The following MAD1L1 variants were observed in gnomAD, a reference collection of about 807,000 sequenced individuals.
MAD1L1 encodes the protein mitotic spindle assembly checkpoint protein MAD1.
In MAD1L1, 95 loss-of-function variants were observed where a neutral mutation model predicts 96.9. The observed-to-expected ratio is 0.98, with a 90% CI of 0.83 to 1.16. The LOEUF (loss-of-function observed/expected upper bound fraction) is 1.16. MAD1L1 is among the 50% of genes most tolerant of loss of function. The probability of loss-of-function intolerance (pLI) is 0.00; values close to 1 mark genes in which losing one functional copy is unlikely to be tolerated. For synonymous variants in MAD1L1, 473 were observed against 396.6 expected (o/e 1.19, Z -2.29); for missense variants, 1,007 against 954.4 (o/e 1.06, Z -0.73).
chr7:1,980,427 G>C, intron 15 of MAD1L1, 26 bp downstream of exon 15: 1 of 1,526,028 alleles, frequency 6.6e-7, no homozygotes. Context: ...ACCTGGGCGT[G>C]TCCGCCTCCT....
Position 1,898,395 on chromosome 7 carries a change from G to A in MAD1L1, c.1808-5C>T, listed in dbSNP as rs73288773. ...TCTCCACCTGCTTCTTCAGCTCTGC[G>A]GGAGGGACGGAAGGAGACAGTGAGT... On this transcript the variant is annotated splice_region_variant and splice_polypyrimidine_tract_variant and intron_variant, in intron 17 of 18. Coordinates refer to ENST00000265854, the MANE Select transcript of MAD1L1 (RefSeq NM_001013836.2). The A allele has an allele frequency of 0.022, 35,238 of 1,613,174 alleles. 1,593 individuals are homozygous for A. The highest frequency in any genetic ancestry group is 0.16 in the African/African-American group (11,997 of 74,992).
At chr7:2,039,396 G>A (rs1000513867) in intron 12 of MAD1L1, among the ~76,000 whole-genome samples, 2 of 152,214 alleles carry the variant, frequency 1.3e-5, no homozygotes, top group African/African-American at 4.8e-5. Context: ...TGCGACTGCT[G>A]GTCATATGGG....
intron 10 of MAD1L1, among the ~76,000 whole-genome samples, chr7:2,197,897 G>GGGTCCCAGCCCCCA (rs776322150): frequency 1.3e-5 from 2 of 151,666 alleles, no homozygotes; most frequent in East Asian, 1.9e-4. Context: ...CCTAGCCCCC[G>GGGTCCCAGCCCCCA]GGTCCCAGCC....
intron 10 of MAD1L1, 26 bp downstream of exon 10, chr7:2,213,186 C>T (rs753507606): frequency 6.2e-7 from 1 of 1,613,570 alleles, no homozygotes; most frequent in Non-Finnish European, 8.5e-7. Context: ...GAAGGCGGGA[C>T]CCCGGAGACA....
At chr7:2,197,871 G>A (rs1017037744) in intron 10 of MAD1L1, among the ~76,000 whole-genome samples, 1 of 152,100 alleles carries the variant, frequency 6.6e-6, no homozygotes, top group African/African-American at 2.4e-5. Context: ...CTCCCTGCCT[G>A]AGAGCCAAAA....
At chr7:1,886,762 C>T (rs1180756617) in intron 18 of MAD1L1, among the ~76,000 whole-genome samples, 2 of 152,268 alleles carry the variant, frequency 1.3e-5, no homozygotes, top group Non-Finnish European at 2.9e-5. Context: ...AGGCACATGG[C>T]ACTGTGTGCA....
chr7:2,215,683 C>T lies in MAD1L1; in HGVS notation c.924+202G>A, dbSNP rs367569131. Among the ~76,000 whole-genome samples the T allele has an allele frequency of 1.3e-3, 197 of 152,312 alleles. 1 individual carries two copies. Among genetic ancestry groups the T allele is most frequent in the African/African-American group, 4.3e-3 (178 of 41,558 alleles). The stretch of plus-strand genomic sequence containing the variant: ...GGGCCAGCTGACCAGTCACCTCATT[C>T]GCCCTGCCAGGGAAGGTGCTGTGTT... On this transcript the variant is annotated intron_variant, in intron 9 of 18. Transcript: ENST00000265854.
intron 16 of MAD1L1, among the ~76,000 whole-genome samples, chr7:1,942,465 C>A (rs1779046435): frequency 6.6e-6 from 1 of 152,226 alleles, no homozygotes; most frequent in South Asian, 2.1e-4. Context: ...TCAGCAGGTG[C>A]TGGAAGTGCA....
intron 18 of MAD1L1, among the ~76,000 whole-genome samples, chr7:1,860,554 C>G (rs951703307): frequency 2.0e-5 from 3 of 151,868 alleles, no homozygotes; most frequent in African/African-American, 7.3e-5. Context: ...TTTCCTGTCC[C>G]TCGTCCCTCA....
Position 2,142,834 on chromosome 7 carries a change from G to T in MAD1L1, c.1073+6318C>A, listed in dbSNP as rs1789109414. On this transcript the variant is annotated intron_variant, in intron 11 of 18. Transcript: ENST00000265854. The surrounding 1 kb of genome is among the most constrained non-coding windows in gnomAD (Gnocchi z 4.7). ...GAACACATGGCTGAGGCCATGGTCA[G>T]TTCAAGGGCAGGCCAGAACTGGCCA... Among the ~76,000 whole-genome samples, 1 of 152,238 alleles carries T rather than the reference G, an allele frequency of 6.6e-6. No individual in the cohort carries two copies. Among genetic ancestry groups the T allele is most frequent in the African/African-American group, 2.4e-5 (1 of 41,478 alleles).
At chr7:1,967,439 C>G (rs1780213935) in intron 15 of MAD1L1, among the ~76,000 whole-genome samples, 1 of 152,194 alleles carries the variant, frequency 6.6e-6, no homozygotes, top group Non-Finnish European at 1.5e-5. Flanking sequence ...CCGATGACAT[C>G]ATGTATACAG....
chr7:1,889,465 C>T (rs756896549), intron 18 of MAD1L1, among the ~76,000 whole-genome samples: 1 of 152,228 alleles, frequency 6.6e-6, no homozygotes, highest in African/African-American at 2.4e-5. Context: ...TAGGCCAGGC[C>T]CAGCCCAGGG....
intron 11 of MAD1L1, among the ~76,000 whole-genome samples, chr7:2,117,087 G>GAGGCAGCCAGGC (rs1442354103): frequency 3.3e-5 from 5 of 152,206 alleles, no homozygotes; most frequent in Admixed American, 6.5e-5. Flanking sequence ...AGGCCTGGCA[G>GAGGCAGCCAGGC]AGGCAGCCAG....
chr7:2,186,610 A>T (rs528336746), intron 10 of MAD1L1, among the ~76,000 whole-genome samples: 56 of 152,288 alleles, frequency 3.7e-4, no homozygotes, highest in African/African-American at 1.2e-3. Flanking sequence ...GTGAGGATGG[A>T]TTTACATTAT....
chr7:2,141,796 G>T (rs956680951), intron 11 of MAD1L1, among the ~76,000 whole-genome samples: 5 of 152,192 alleles, frequency 3.3e-5, no homozygotes, highest in Non-Finnish European at 7.3e-5. Flanking sequence ...GGCAGGTGCC[G>T]CACAGACAGC....
At chr7:2,069,562 G>T (rs1401063556) in intron 11 of MAD1L1, among the ~76,000 whole-genome samples, 1 of 152,252 alleles carries the variant, frequency 6.6e-6, no homozygotes, top group East Asian at 1.9e-4. Flanking sequence ...CGGCAGGGAG[G>T]GGGAAGGGAG....
chr7:2,008,942 A>G (rs553678199), intron 13 of MAD1L1, among the ~76,000 whole-genome samples: 2 of 152,336 alleles, frequency 1.3e-5, no homozygotes, highest in African/African-American at 4.8e-5. Flanking sequence ...ACCAGGGAGC[A>G]CTGAGGGGTG....
rs185447441 is a variant in MAD1L1, at chr7:2,174,478, C to T, written c.987-25240G>A. Among the ~76,000 whole-genome samples the T allele has an allele frequency of 4.1e-3, 626 of 152,304 alleles. 8 individuals are homozygous for T. Among genetic ancestry groups the T allele is most frequent in the African/African-American group, 0.014 (592 of 41,548 alleles). ...TCCTTCAGTCTAGAAGAGGATGACG[C>T]TCAAGAGAGGGTTTTTCAATTGTTT... On this transcript the variant is annotated intron_variant, in intron 10 of 18. Transcript: ENST00000265854.
At chr7:1,838,817 T>A (rs1078112) in intron 18 of MAD1L1, 185,983 of 471,070 alleles carry the variant, frequency 0.39, 38,612 homozygotes, top group Admixed American at 0.56. Context: ...GACCACGGGG[T>A]GAACGTCCTG....
Sources: allele counts gnomAD v4.1 joint callset (sites outside exome capture counted in the v4.1 genomes callset), GRCh38; gene constraint gnomAD v4.1.1; non-coding constraint Gnocchi (gnomAD v3.1); transcripts MANE v1.5; gene names NCBI Gene and HGNC (gene_info 2026-07-23, HGNC 2026-07-21).